NEK5: variants seen among roughly 807,000 people sequenced by gnomAD.
The protein encoded by NEK5 is NIMA related kinase 5, also known as serine/threonine-protein kinase Nek5.
In NEK5, 88 loss-of-function variants were observed where a neutral mutation model predicts 109.2. That is an observed-to-expected ratio of 0.81 (90% CI 0.68 to 0.96). The LOEUF (loss-of-function observed/expected upper bound fraction) is 0.96. NEK5 is among the 40% of genes least tolerant of loss of function. The pLI is 0.00. For missense variants in NEK5, 834 were observed against 920.7 expected (o/e 0.91, Z 1.22); for synonymous variants, 283 against 299.9 (o/e 0.94, Z 0.58).
At chr13:52,080,195 G>A (rs1170121246) in intron 17 of NEK5, among the ~76,000 whole-genome samples, 9 of 147,786 alleles carry the variant, frequency 6.1e-5, no homozygotes, top group South Asian at 2.2e-4. Flanking sequence ...CAGGCCAGCC[G>A]CCCCGTCCGG....
chr13:52,056,060 A>G (rs1230672882), intron 22 of NEK5, among the ~76,000 whole-genome samples: 23 of 152,268 alleles, frequency 1.5e-4, no homozygotes, highest in Non-Finnish European at 2.5e-4. Context: ...CCCATCTCAC[A>G]TGCAGAGACA....
At position 52,112,262 on chromosome 13, in the gene NEK5, T is replaced by C; in HGVS notation, c.312+6A>G. On this transcript the variant is annotated splice_donor_region_variant and intron_variant, in intron 5 of 23. Coordinates refer to ENST00000684899, the MANE Select transcript of NEK5 (RefSeq NM_001365552.1). ...TAAAATTAAAAAGCAAATTAGAAGT[T>C]TTTACCTGATCTTCACTAAATAACA... The C allele has an allele frequency of 6.4e-7, 1 of 1,568,530 alleles. No individual in the cohort carries two copies. Among genetic ancestry groups the C allele is most frequent in the Non-Finnish European group, 8.8e-7 (1 of 1,140,424 alleles).
chr13:52,113,543 T>C (rs1342014755), intron 4 of NEK5, among the ~76,000 whole-genome samples: 1 of 152,172 alleles, frequency 6.6e-6, no homozygotes, highest in African/African-American at 2.4e-5. Flanking sequence ...CTAAAAGGAT[T>C]GTGGACAGAT....
intron 21 of NEK5, among the ~76,000 whole-genome samples, chr13:52,063,997 G>C (rs1258421164): frequency 5.3e-5 from 1 of 18,834 alleles, no homozygotes; most frequent in East Asian, 1.6e-3. Context: ...GGAGGGAGGT[G>C]GGGGGGGGGG....
intron 20 of NEK5, among the ~76,000 whole-genome samples, chr13:52,070,910 T>G (rs1044972268): frequency 6.6e-6 from 1 of 152,248 alleles, no homozygotes; most frequent in Non-Finnish European, 1.5e-5. Context: ...AATTACCCTG[T>G]GTGGTTATTC....
At chr13:52,067,273 T>C (rs1313693710) in intron 20 of NEK5, among the ~76,000 whole-genome samples, 1 of 151,938 alleles carries the variant, frequency 6.6e-6, no homozygotes, top group African/African-American at 2.4e-5. Context: ...TTGATTGAAA[T>C]AGCCATAAAT....
intron 22 of NEK5, among the ~76,000 whole-genome samples, chr13:52,057,567 G>A (rs1423993368): frequency 1.5e-4 from 23 of 151,992 alleles, no homozygotes; most frequent in Admixed American, 1.4e-3. Flanking sequence ...CTGGCAAACC[G>A]AATCCAGCAG....
At chr13:52,121,719 C>T (rs1955974012) in intron 3 of NEK5, among the ~76,000 whole-genome samples, 1 of 152,146 alleles carries the variant, frequency 6.6e-6, no homozygotes, top group Non-Finnish European at 1.5e-5. Context: ...TTGCGCCAAC[C>T]TAATACTATA....
chr13:52,041,027 C>T (rs2140882942), intron 23 of NEK5, among the ~76,000 whole-genome samples: 1 of 151,800 alleles, frequency 6.6e-6, no homozygotes, highest in East Asian at 1.9e-4. Flanking sequence ...TGGAGGGGGA[C>T]CTAAGGAAGA....
intron 20 of NEK5, among the ~76,000 whole-genome samples, chr13:52,067,662 C>A (rs1341216600): frequency 6.9e-6 from 1 of 145,818 alleles, no homozygotes; most frequent in Admixed American, 7.0e-5. Context: ...TCCAACTGGT[C>A]TTTACACCAC....
At chr13:52,122,579 C>A (rs1310765571) in intron 3 of NEK5, among the ~76,000 whole-genome samples, 4 of 152,082 alleles carry the variant, frequency 2.6e-5, no homozygotes, top group African/African-American at 9.7e-5. Context: ...CCAGCCTGGC[C>A]AACATAGTGA....
intron 13 of NEK5, among the ~76,000 whole-genome samples, chr13:52,089,838 G>A (rs1955239522): frequency 6.6e-6 from 1 of 151,980 alleles, no homozygotes; most frequent in Admixed American, 6.6e-5. Flanking sequence ...AAAATTAGTG[G>A]GGCGTGGTGG....
intron 22 of NEK5, among the ~76,000 whole-genome samples, chr13:52,050,796 T>G (rs971844272): frequency 4.6e-5 from 7 of 150,846 alleles, no homozygotes; most frequent in Non-Finnish European, 8.9e-5. Context: ...CTTAGCTCAC[T>G]GCAACCTCTG....
intron 22 of NEK5, 85 bp downstream of exon 22, chr13:52,061,734 G>T: frequency 4.5e-6 from 2 of 443,628 alleles, no homozygotes; most frequent in Non-Finnish European, 6.0e-6. Flanking sequence ...CCCAGCTGAA[G>T]GTATTTTTAT....
chr13:52,063,158 A>ACTGCAACCT (rs1293150773), intron 21 of NEK5, among the ~76,000 whole-genome samples: 2 of 151,604 alleles, frequency 1.3e-5, no homozygotes, highest in African/African-American at 4.9e-5. Flanking sequence ...ATCTCGGCTC[A>ACTGCAACCT]CTGCAACCTC....
At position 52,034,886 on chromosome 13, in the gene NEK5, T is replaced by TC. The variant is rs1299702629; in HGVS notation, c.*2061_*2062insG. The stretch of plus-strand genomic sequence containing the variant: ...CCTTAAACATTCTTTTTTTTCTTTT[T>TC]TTTTTTTTTTTTTGCCCTTAATTGA... On this transcript the variant is annotated 3_prime_UTR_variant, in exon 24 of 24. Transcript: ENST00000684899. 5 of 147,544 alleles carry TC rather than the reference T, an allele frequency of 3.4e-5. No individual in the cohort carries two copies. The East Asian group carries it at 7.8e-4, about 23-fold the overall frequency. 9.1% of individuals were successfully genotyped at this position (147,544 alleles called of 1,614,324 possible). A position where few individuals can be genotyped will look rare whatever the true frequency, so the allele number is the denominator to read the frequency against.
chr13:52,090,653 A>G (rs1423162002), intron 13 of NEK5, among the ~76,000 whole-genome samples: 1 of 152,144 alleles, frequency 6.6e-6, no homozygotes, highest in Non-Finnish European at 1.5e-5. Context: ...AATGATTCCA[A>G]CACCCAGGGG....
intron 23 of NEK5, among the ~76,000 whole-genome samples, chr13:52,046,079 A>G (rs1952548312): frequency 6.6e-6 from 1 of 151,590 alleles, no homozygotes; most frequent in Non-Finnish European, 1.5e-5. Context: ...TCAAAAAAAA[A>G]AAAAAAAAAG....
intron 8 of NEK5, among the ~76,000 whole-genome samples, chr13:52,106,174 T>TG (rs1955651281): frequency 7.9e-6 from 1 of 126,418 alleles, no homozygotes; most frequent in Non-Finnish European, 1.9e-5. Context: ...TGCCAGGGGA[T>TG]GTCTCAAAAA....
Sources: gnomAD v4.1 joint callset for allele counts (sites outside exome capture counted in the v4.1 genomes callset) on GRCh38, gnomAD v4.1.1 for gene constraint, MANE v1.5 for transcripts, NCBI Gene and HGNC (gene_info 2026-07-23, HGNC 2026-07-21) for gene names.